ARFGEF2: variants seen among roughly 807,000 people sequenced by gnomAD.
ARFGEF2 encodes the protein brefeldin A-inhibited guanine nucleotide-exchange protein 2.
A neutral mutation model predicts 219.9 loss-of-function variants in ARFGEF2; 74 were observed. That is an observed-to-expected ratio of 0.34 (90% CI 0.28 to 0.41). ARFGEF2 has a LOEUF of 0.41. Among genes scored for constraint, ARFGEF2 ranks in the 10% least tolerant of loss-of-function variants. ARFGEF2 has a pLI of 1.00. For synonymous variants in ARFGEF2, 733 were observed against 799.2 expected (o/e 0.92, Z 1.40); for missense variants, 1,743 against 2,218.3 (o/e 0.79, Z 4.30).
chr20:48,965,722 C>A, intron 7 of ARFGEF2, 150 bp from the exon 8 acceptor site: 1 of 928,520 alleles, frequency 1.1e-6, no homozygotes, highest in Non-Finnish European at 1.7e-6. Context: ...AAGGCTTTTC[C>A]AGGATTATGT....
chr20:48,946,712 G>T (rs1033878732), intron 3 of ARFGEF2, among the ~76,000 whole-genome samples: 2 of 151,764 alleles, frequency 1.3e-5, no homozygotes, highest in African/African-American at 2.4e-5. Flanking sequence ...TTGCCATGTT[G>T]TCCAGGCTGG....
In ARFGEF2 at chr20:48,952,956, T is replaced by C. The variant is rs1386662099; in HGVS notation, c.603+72T>C. The stretch of plus-strand genomic sequence containing the variant: ...TGAACTCTATCATGTGTGACCTTGG[T>C]GCCTGTGAAGAATCACTAGCATTTT... On this transcript the variant is annotated intron_variant, in intron 5 of 38. Transcript: ENST00000371917. The C allele has an allele frequency of 5.3e-6, 8 of 1,517,392 alleles. No individual in the cohort carries two copies. The African/African-American group carries it at 1.1e-4, about 21-fold the overall frequency. 94.0% of individuals were successfully genotyped at this position (1,517,392 alleles called of 1,614,324 possible). A position where few individuals can be genotyped will look rare whatever the true frequency, so the allele number is the denominator to read the frequency against.
intron 10 of ARFGEF2, among the ~76,000 whole-genome samples, chr20:48,971,738 A>G (rs1171925502): frequency 6.6e-6 from 1 of 152,094 alleles, no homozygotes; most frequent in Non-Finnish European, 1.5e-5. Flanking sequence ...CGTCTCTACT[A>G]AAAATACAAA....
At chr20:48,978,453 G>A (rs544811500) in intron 14 of ARFGEF2, among the ~76,000 whole-genome samples, 297 of 152,250 alleles carry the variant, frequency 2.0e-3, no homozygotes, top group African/African-American at 3.0e-3. Context: ...GGCAATGTGC[G>A]CTCTTTTTCG....
chr20:48,934,413 G>C lies in ARFGEF2; in HGVS notation c.122-6786G>C, dbSNP rs151247686. Among the ~76,000 whole-genome samples the C allele has an allele frequency of 7.7e-3, 1,168 of 152,210 alleles. 15 individuals are homozygous for C. Among genetic ancestry groups the C allele is most frequent in the African/African-American group, 0.027 (1,114 of 41,502 alleles). On this transcript the variant is annotated intron_variant, in intron 1 of 38. Transcript: ENST00000371917. ...AGGTTTGTTACATAGGTGTACGTGT[G>C]CCATGGTGGTTTGCTGCACCCATCA...
chr20:48,944,489 G>C (rs1157386142), intron 3 of ARFGEF2, among the ~76,000 whole-genome samples: 1 of 152,092 alleles, frequency 6.6e-6, no homozygotes, highest in African/African-American at 2.4e-5. Flanking sequence ...GACCAGCCTA[G>C]TCCAAGGTAG....
intron 5 of ARFGEF2, among the ~76,000 whole-genome samples, chr20:48,953,228 C>T (rs1372693805): frequency 1.4e-5 from 2 of 146,818 alleles, no homozygotes; most frequent in Non-Finnish European, 3.0e-5. Context: ...CAAGCTGGAG[C>T]GCAGTGACAG....
chr20:48,989,715 A>G, intron 20 of ARFGEF2, 31 bp downstream of exon 20: 1 of 1,613,746 alleles, frequency 6.2e-7, no homozygotes, highest in Admixed American at 1.7e-5. Flanking sequence ...CTCCAGAGAT[A>G]CTGGTGGGTT....
chr20:48,938,851 A>C (rs982118655), intron 1 of ARFGEF2, among the ~76,000 whole-genome samples: 4 of 151,898 alleles, frequency 2.6e-5, no homozygotes, highest in Admixed American at 1.3e-4. Flanking sequence ...CTGGGTGGAG[A>C]GGGGGTCCTG....
At chr20:48,930,461 C>G (rs1053614878) in intron 1 of ARFGEF2, among the ~76,000 whole-genome samples, 3 of 152,188 alleles carry the variant, frequency 2.0e-5, no homozygotes, top group African/African-American at 7.2e-5. Flanking sequence ...GAATTTCCAA[C>G]CTGGTTAGAA....
intron 34 of ARFGEF2, among the ~76,000 whole-genome samples, chr20:49,022,626 A>G (rs1180999819): frequency 2.6e-5 from 4 of 152,158 alleles, no homozygotes; most frequent in East Asian, 3.8e-4. Flanking sequence ...CTCAAATGTC[A>G]CATTTTTATA....
chr20:48,973,315 A>G, intron 12 of ARFGEF2, 31 bp downstream of exon 12: 1 of 1,612,186 alleles, frequency 6.2e-7, no homozygotes, highest in African/African-American at 1.3e-5. Context: ...CAATTATATT[A>G]AAGTTTATTC....
chr20:48,989,356 G>T lies in ARFGEF2; in HGVS notation c.2605G>T (p.Ala869Ser). 1.2e-6 allele frequency: 2 copies of T among 1,614,230 alleles called. No individual in the cohort carries two copies. Among genetic ancestry groups the T allele is most frequent in the Middle Eastern group, 3.3e-4 (2 of 6,062 alleles). The change falls in exon 19 of 39, where the codon GCT (alanine) becomes TCT (serine). Residue 869 changes from alanine to serine, a missense_variant. This residue lies in a region of ARFGEF2 where 666 missense variants were observed against 955.4 expected (regional missense o/e 0.70). Transcript: ENST00000371917. ...GGAGCAAATGGCTAAAACAGCCAAAGCTCTGATGGAGGCTGTGAGCCATGC... is the reference window on the plus strand; with the variant it reads ...GGAGCAAATGGCTAAAACAGCCAAATCTCTGATGGAGGCTGTGAGCCATGC... ...EMEQMAKTAKALMEAVSHAKA... is the reference protein window; with the variant it reads ...EMEQMAKTAKSLMEAVSHAKA...
chr20:48,936,452 A>G (rs1005626357), intron 1 of ARFGEF2, among the ~76,000 whole-genome samples: 3 of 146,830 alleles, frequency 2.0e-5, no homozygotes, highest in Admixed American at 6.7e-5. Context: ...CACTTCTCAG[A>G]CGGGGCGGCT....
At position 48,935,892 on chromosome 20, in the gene ARFGEF2, C is replaced by T. The variant is rs1329124380; in HGVS notation, c.122-5307C>T. ...GGAGCTCCTTACTTCCCAGTAGGGG[C>T]GGCCGGGCAGAGGCACCCCTCACTT... On this transcript the variant is annotated intron_variant, in intron 1 of 38. Transcript: ENST00000371917. Among the ~76,000 whole-genome samples the T allele has an allele frequency of 2.2e-4, 25 of 112,914 alleles. No individual in the cohort carries two copies. In the East Asian group the frequency reaches 6.6e-3, roughly 30 times the overall value. The allele number at this position is 112,914 out of a possible 152,430, so 74.1% of individuals were successfully genotyped here.
intron 25 of ARFGEF2, chr20:48,999,163 G>C (rs911353456): frequency 5.1e-6 from 2 of 395,620 alleles, no homozygotes; most frequent in African/African-American, 2.1e-5. Context: ...GCTTGAACCT[G>C]GGAGGTGGAG....
At position 48,988,877 on chromosome 20, in the gene ARFGEF2, A is replaced by G. The variant is rs142856148; in HGVS notation, c.2533+215A>G. On this transcript the variant is annotated intron_variant, in intron 18 of 38. Transcript: ENST00000371917. Reference sequence around the variant, plus strand: ...AGCAAGAAGGAATTTAAAATTAGTAATCTGAGAACTAAATTACTCCCAAAA... The same window carrying G: ...AGCAAGAAGGAATTTAAAATTAGTAGTCTGAGAACTAAATTACTCCCAAAA... Among the ~76,000 whole-genome samples the G allele has an allele frequency of 7.9e-3, 1,196 of 152,310 alleles. 11 individuals carry two copies. Among genetic ancestry groups the G allele is most frequent in the Non-Finnish European group, 0.012 (822 of 68,018 alleles).
In ARFGEF2 at chr20:48,925,481, T is replaced by G. The variant is rs115316100; in HGVS notation, c.121+3471T>G. ...ATGTATCTTTAAGTTATGTTTCTGC[T>G]CTTAAACTATATGAAGTTTGGAGGC... is the stretch of plus-strand genomic sequence containing the variant. On this transcript the variant is annotated intron_variant, in intron 1 of 38. Coordinates refer to ENST00000371917, the MANE Select transcript of ARFGEF2 (RefSeq NM_006420.3). Among the ~76,000 whole-genome samples the G allele has an allele frequency of 1.3e-3, 204 of 152,336 alleles. 1 individual carries two copies. Among genetic ancestry groups the G allele is most frequent in the African/African-American group, 4.8e-3 (198 of 41,564 alleles).
chr20:48,945,386 G>T (rs1419836910), intron 3 of ARFGEF2, among the ~76,000 whole-genome samples: 1 of 152,170 alleles, frequency 6.6e-6, no homozygotes, highest in East Asian at 1.9e-4. Context: ...GAAAAAGGTT[G>T]CTGCTCTTAA....
Sources: allele counts gnomAD v4.1 joint callset (sites outside exome capture counted in the v4.1 genomes callset), GRCh38; gene constraint gnomAD v4.1.1; regional missense constraint gnomAD v4.1.1; transcripts MANE v1.5; gene names NCBI Gene and HGNC (gene_info 2026-07-23, HGNC 2026-07-21).